The following GET4 variants were observed in gnomAD, a reference collection of about 807,000 sequenced individuals.
The protein encoded by GET4 is Golgi to ER traffic protein 4 homolog.
In GET4, 20 loss-of-function variants were observed where a neutral mutation model predicts 40.0. That is an observed-to-expected ratio of 0.50 (90% CI 0.35 to 0.73). The LOEUF is 0.73. GET4 is among the 30% of genes least tolerant of loss of function. The probability of loss-of-function intolerance (pLI) is 0.01; values close to 1 mark genes in which losing one functional copy is unlikely to be tolerated. For synonymous variants in GET4, 280 were observed against 194.6 expected (o/e 1.44, Z -3.65); for missense variants, 557 against 454.0 (o/e 1.23, Z -2.06).
chr7:892,182 G>T (rs913752881), intron 5 of GET4, 96 bp from the exon 6 acceptor site: 4 of 1,290,510 alleles, frequency 3.1e-6, no homozygotes, highest in Non-Finnish European at 3.3e-6. Flanking sequence ...AACCGTGGGC[G>T]CACGAGCTTG....
At chr7:894,126 T>TA (rs1363055732) in intron 8 of GET4, among the ~76,000 whole-genome samples, 155 bp downstream of exon 8, 2 of 152,220 alleles carry the variant, frequency 1.3e-5, no homozygotes, top group Non-Finnish European at 2.9e-5. Context: ...AGGAAATTAT[T>TA]AGATTTCAGA....
intron 5 of GET4, 124 bp downstream of exon 5, chr7:891,190 G>C: frequency 5.7e-6 from 4 of 697,400 alleles, no homozygotes; most frequent in South Asian, 1.9e-5. Flanking sequence ...ACTCTGGGCA[G>C]AGCCCACAGT....
rs530837526 is a variant in GET4, at chr7:892,186, G to A, written c.606-92G>A. 97 of 1,361,356 alleles carry A rather than the reference G, an allele frequency of 7.1e-5. 1 individual carries two copies. The African/African-American group carries it at 9.6e-4, about 13-fold the overall frequency. 84.3% of individuals were successfully genotyped at this position (1,361,356 alleles called of 1,614,324 possible). On this transcript the variant is annotated intron_variant, in intron 5 of 8. Transcript: ENST00000265857. ...TGGGCCGCAGGAACCGTGGGCGCAC[G>A]AGCTTGGGAAGGACATGTCGGAGGC...
chr7:892,862 C>T (rs1008164372), intron 6 of GET4, among the ~76,000 whole-genome samples: 12 of 145,126 alleles, frequency 8.3e-5, no homozygotes, highest in African/African-American at 2.6e-4. Flanking sequence ...AGTTGGGGTG[C>T]GTGCAGGTAT....
rs1325671405 is a variant in GET4 at position 887,480 on chromosome 7, C to T, written c.427C>T (p.Pro143Ser). 1 of 1,580,344 alleles carries T rather than the reference C, an allele frequency of 6.3e-7. No homozygotes were observed. The highest frequency in any genetic ancestry group is 8.6e-7 in the Non-Finnish European group (1 of 1,162,206). Residue 143 changes from proline to serine, a missense_variant, in exon 4 of 9, where the codon CCC (proline) becomes TCC (serine). Pro to Ser is a moderately conservative substitution (Grantham distance 74, BLOSUM62 -1). Transcript: ENST00000265857. ...TGGGGGCTCCGGGAAGCTGGGCCAC[C>T]CCCGGCTGCACCAGCTGCTGGCCCT... ...SSGGSGKLGH[P>S]RLHQLLALTL...
rs764578617 is a variant in GET4 at position 890,970 on chromosome 7, C to G, written c.509C>G (p.Ala170Gly). The change falls in exon 5 of 9, where the codon GCG becomes GGG. Residue 170 changes from alanine to glycine, a missense_variant. Coordinates refer to ENST00000265857, the MANE Select transcript of GET4 (RefSeq NM_015949.3). Reference sequence around the variant, plus strand: ...TCGAGGTATCATTTTCTGCACTCAGCGGACGGGGAGGGCTGTGCCAACATG... The same window carrying G: ...TCGAGGTATCATTTTCTGCACTCAGGGGACGGGGAGGGCTGTGCCAACATG... ...CESRYHFLHS[A>G]DGEGCANMLV... 9 of 1,607,442 alleles carry G rather than the reference C, an allele frequency of 5.6e-6. No homozygotes were observed. Among genetic ancestry groups the G allele is most frequent in the Non-Finnish European group, 7.7e-6 (9 of 1,174,278 alleles).
chr7:895,326 C>G lies in GET4; in HGVS notation c.896-8C>G. 6 of 1,500,838 alleles carry G rather than the reference C, an allele frequency of 4.0e-6. No homozygotes were observed. The highest frequency in any genetic ancestry group is 5.5e-6 in the Non-Finnish European group (6 of 1,083,622). 93.0% of individuals were successfully genotyped at this position (1,500,838 alleles called of 1,614,324 possible). On this transcript the variant is annotated splice_region_variant and splice_polypyrimidine_tract_variant and intron_variant, in intron 8 of 8. Transcript: ENST00000265857. ...CAGGCGTGACTGCCACGGTGTTCTT[C>G]TTTCCAGGGAACCTTCTGACCAGCC...
At position 887,392 on chromosome 7, in the gene GET4, C is replaced by G. The variant is rs751381997; in HGVS notation, c.339C>G (p.Ser113Arg). 2 of 1,595,210 alleles carry G rather than the reference C, an allele frequency of 1.3e-6. No homozygotes were observed. Among genetic ancestry groups the G allele is most frequent in the Non-Finnish European group, 8.6e-7 (1 of 1,168,446 alleles). Residue 113 changes from serine to arginine, a missense_variant, in exon 4 of 9, where the codon AGC (serine) becomes AGG (arginine). By Grantham distance (110) the Ser-to-Arg change is moderately radical (BLOSUM62 -1). Coordinates refer to ENST00000265857, the MANE Select transcript of GET4 (RefSeq NM_015949.3). ...ELLENLAKVFSLMDPNSPERV... is the reference protein window; with the variant it reads ...ELLENLAKVFRLMDPNSPERV... Reference sequence around the variant, plus strand: ...CAGAAAATCTGGCTAAAGTGTTCAGCCTGATGGACCCCAACTCTCCTGAGC... The same window carrying G: ...CAGAAAATCTGGCTAAAGTGTTCAGGCTGATGGACCCCAACTCTCCTGAGC...
chr7:892,452 G>T, intron 6 of GET4, 34 bp downstream of exon 6: 2 of 1,579,238 alleles, frequency 1.3e-6, no homozygotes, highest in Non-Finnish European at 1.7e-6. Flanking sequence ...GGAGGGGGCT[G>T]TGAATGTGCG....
rs1048488173 is a variant in GET4, at chr7:893,774, C to G, written c.781C>G (p.Gln261Glu). ...GACGGTGTTCACTGTGCTGTGTGAG[C>G]AGTACCAGCCATCCCTCCGGCGGGA... The part of the protein sequence containing the change: ...KLTVFTVLCE[Q>E]YQPSLRRDPM... The change falls in exon 7 of 9, where the codon CAG becomes GAG. Residue 261 changes from glutamine to glutamate, a missense_variant. Gln to Glu is a conservative substitution (Grantham distance 29, BLOSUM62 2). Coordinates refer to ENST00000265857, the MANE Select transcript of GET4 (RefSeq NM_015949.3). 3 of 1,610,412 alleles carry G rather than the reference C, an allele frequency of 1.9e-6. No homozygotes were observed. Among genetic ancestry groups the G allele is most frequent in the Non-Finnish European group, 2.5e-6 (3 of 1,177,678 alleles).
chr7:894,266 C>T (rs150120365), intron 8 of GET4, among the ~76,000 whole-genome samples: 14 of 152,172 alleles, frequency 9.2e-5, no homozygotes, highest in African/African-American at 2.4e-4. Context: ...TCTCTCTGTG[C>T]GCCATGCTAG....
intron 2 of GET4, 104 bp from the exon 3 acceptor site, chr7:886,465 C>A: frequency 1.3e-6 from 1 of 799,812 alleles, no homozygotes; most frequent in Non-Finnish European, 2.2e-6. Context: ...GACTCCTCAG[C>A]ACCGGCCGCA....
chr7:895,075 C>CT (rs1844446254), intron 8 of GET4, among the ~76,000 whole-genome samples: 1 of 150,754 alleles, frequency 6.6e-6, no homozygotes, highest in Non-Finnish European at 1.5e-5. Context: ...TGCTCCATGG[C>CT]CCCGTTGGTG....
At position 884,233 on chromosome 7, in the gene GET4, G is replaced by A. The variant is rs567972052; in HGVS notation, c.156-1823G>A. ...GGTTCTGCCCGTGGCCCCACTGGCG[G>A]CATCGTGAGGCCAGGCGTGTCTGGG... On this transcript the variant is annotated intron_variant, in intron 1 of 8. Transcript: ENST00000265857. 1.5e-4 allele frequency: 198 copies of A among 1,304,018 alleles called. No homozygotes were observed. The African/African-American group carries it at 2.8e-3, about 19-fold the overall frequency. The allele number at this position is 1,304,018 out of a possible 1,614,324, so 80.8% of individuals were successfully genotyped here.
chr7:878,146 C>T (rs1308610299), intron 1 of GET4: 2 of 401,862 alleles, frequency 5.0e-6, no homozygotes, highest in Non-Finnish European at 1.0e-5. Context: ...ACCTGCACGG[C>T]CGGTGTAGCC....
chr7:878,413 G>C, intron 1 of GET4: 1 of 469,890 alleles, frequency 2.1e-6, no homozygotes, highest in Non-Finnish European at 4.4e-6. Flanking sequence ...CTAGGAATTG[G>C]GTCTGTTTTA....
chr7:895,447 C>A lies in GET4; in HGVS notation c.*25C>A, dbSNP rs766619820. The A allele has an allele frequency of 7.8e-7, 1 of 1,287,412 alleles. No individual in the cohort carries two copies. Among genetic ancestry groups the A allele is most frequent in the Non-Finnish European group, 1.1e-6 (1 of 891,586 alleles). The allele number at this position is 1,287,412 out of a possible 1,614,324, so 79.7% of individuals were successfully genotyped here. The stretch of plus-strand genomic sequence containing the variant: ...AACTGGCCAGGCCACGTGGAGACAC[C>A]ACGGTCGACGACGGCTGGAGGGACG... On this transcript the variant is annotated 3_prime_UTR_variant, in exon 9 of 9. Coordinates refer to ENST00000265857, the MANE Select transcript of GET4 (RefSeq NM_015949.3).
intron 6 of GET4, 127 bp downstream of exon 6, chr7:892,545 G>A (rs1356261137): frequency 1.0e-6 from 1 of 975,254 alleles, no homozygotes; most frequent in South Asian, 1.5e-5. Context: ...GTGGGTATAT[G>A]CATAGGGTAT....
At chr7:892,257 C>G (rs773572536) in intron 5 of GET4, 21 bp from the exon 6 acceptor site, 1 of 1,583,856 alleles carries the variant, frequency 6.3e-7, no homozygotes, top group Non-Finnish European at 8.7e-7. Flanking sequence ...CCTTCCACCA[C>G]CAGCATGTTC....
Sources: allele counts gnomAD v4.1 joint callset (sites outside exome capture counted in the v4.1 genomes callset), GRCh38; gene constraint gnomAD v4.1.1; transcripts MANE v1.5; gene names NCBI Gene and HGNC (gene_info 2026-07-23, HGNC 2026-07-21).